The following BICRAL variants were observed in gnomAD, a reference collection of about 807,000 sequenced individuals.
BICRAL encodes BICRA like chromatin remodeling complex associated protein.
Under a neutral mutation model 91.8 loss-of-function variants are expected in BICRAL, and 8 were observed. That is an observed-to-expected ratio of 0.09 (90% confidence interval 0.05 to 0.16). The LOEUF (loss-of-function observed/expected upper bound fraction) is 0.16. Ranked by LOEUF, BICRAL falls within the 10% of genes least tolerant of loss-of-function variation. BICRAL has a pLI of 1.00. For missense variants in BICRAL, 1,038 were observed against 1,310.9 expected, an observed-to-expected ratio of 0.79 and a Z score of 3.21; for synonymous variants, 445 against 491.1, an observed-to-expected ratio of 0.91 and a Z score of 1.24.
chr6:42,781,581 CTGGG>C (rs1223924742), upstream of BICRAL, among the ~76,000 whole-genome samples: 23 of 59,382 alleles, frequency 3.9e-4, no homozygotes, highest in South Asian at 1.8e-3. Flanking sequence ...TCAAGTTAAA[CTGGG>C]TGGGTGGGTG....
chr6:42,859,767 G>A (rs1485533405), intron 10 of BICRAL, among the ~76,000 whole-genome samples: 2 of 151,882 alleles, frequency 1.3e-5, no homozygotes, highest in East Asian at 1.9e-4. Context: ...TCAGCCTCTC[G>A]AGTAGCTGGG....
At chr6:42,780,739 G>GTT (rs1001417207), upstream of BICRAL, among the ~76,000 whole-genome samples, 28 of 110,540 alleles carry the variant, frequency 2.5e-4, no homozygotes, top group African/African-American at 9.8e-4. Context: ...TGTTGTTGTT[G>GTT]TTGTTTTGTT....
chr6:42,857,258 G>A, intron 10 of BICRAL, 22 bp downstream of exon 10: 3 of 1,597,800 alleles, frequency 1.9e-6, no homozygotes, highest in Non-Finnish European at 2.6e-6. Flanking sequence ...GGGACCCTAA[G>A]GCACCACTCT....
Position 42,822,774 on chromosome 6 carries a change from C to CT in BICRAL, c.42-15dup, listed in dbSNP as rs749055332. On this transcript the variant is annotated intron_variant, in intron 3 of 12. Transcript: ENST00000314073. ...AGTATATTTGTTTGTTGTTTTATCT[C>CT]TTTTTTTCCTCTCTTTTCTAGAGAC... 20 of 1,423,822 alleles carry CT rather than the reference C, an allele frequency of 1.4e-5. No homozygotes were observed. The East Asian group carries it at 2.7e-4, about 19-fold the overall frequency. The allele number at this position is 1,423,822 out of a possible 1,614,324, so 88.2% of individuals were successfully genotyped here.
At chr6:42,790,330 ATTTTTTTTTTTTT>A (rs70990136) in intron 1 of BICRAL, among the ~76,000 whole-genome samples, 3 of 87,822 alleles carry the variant, frequency 3.4e-5, no homozygotes, top group Non-Finnish European at 6.2e-5. Flanking sequence ...AGATAATTTA[ATTTTTTTTTTTTT>A]TTTTTTTTTT....
intron 1 of BICRAL, among the ~76,000 whole-genome samples, chr6:42,790,978 A>G (rs1285820716): frequency 1.3e-5 from 2 of 152,050 alleles, no homozygotes; most frequent in African/African-American, 4.8e-5. Context: ...CCTGAGGTGG[A>G]AATCACTAAC....
At chr6:42,855,589 AG>A (rs942309695) in intron 8 of BICRAL, among the ~76,000 whole-genome samples, 22 of 151,996 alleles carry the variant, frequency 1.4e-4, no homozygotes, top group Admixed American at 8.5e-4. Flanking sequence ...TTTAGAGAGG[AG>A]GTAGGCATTC....
chr6:42,832,750 TAC>T (rs989523592), intron 6 of BICRAL, among the ~76,000 whole-genome samples: 4 of 151,600 alleles, frequency 2.6e-5, no homozygotes, highest in East Asian at 1.9e-4. Flanking sequence ...CACACAAACA[TAC>T]ACACACACAC....
At chr6:42,819,476 G>A (rs761130324) in intron 2 of BICRAL, among the ~76,000 whole-genome samples, 3 of 151,492 alleles carry the variant, frequency 2.0e-5, no homozygotes, top group African/African-American at 4.9e-5. Context: ...TAGTAGAGAC[G>A]GGTTTCACCG....
intron 1 of BICRAL, among the ~76,000 whole-genome samples, chr6:42,799,563 G>A (rs947946771): frequency 6.6e-6 from 1 of 152,038 alleles, no homozygotes; most frequent in African/African-American, 2.4e-5. Flanking sequence ...CAAAGTGCTG[G>A]GATTACAGGC....
intron 1 of BICRAL, among the ~76,000 whole-genome samples, chr6:42,757,336 C>T (rs1019268983): frequency 3.3e-5 from 5 of 151,794 alleles, no homozygotes; most frequent in African/African-American, 1.2e-4. Flanking sequence ...ACTGCAAGCT[C>T]CGCCTCCCAG....
chr6:42,865,071 G>C lies in BICRAL; in HGVS notation c.2865G>C (p.Leu955=), dbSNP rs745559776. The C allele has an allele frequency of 6.2e-7, 1 of 1,614,020 alleles. No homozygotes were observed. The highest frequency in any genetic ancestry group is 8.5e-7 in the Non-Finnish European group (1 of 1,180,036). The change falls in exon 13 of 13, where the codon CTG becomes CTC. Residue 955 remains leucine, a synonymous_variant. Transcript: ENST00000314073. The stretch of plus-strand genomic sequence containing the variant: ...CGGATCATGGTACTGAGAGCAAACT[G>C]TCAAGCATCCTAGCAGATTCGCACT... ...SRSDHGTESK[L]SSILADSHLE...
rs1765591378 is a variant in BICRAL at position 42,862,705 on chromosome 6, A to C, written c.2452+93A>C. ...CAGTCTGTCTGAACTTTGGGTAAGAAACTTGAAGGTAGAACGTGAATTCTG... is the reference window on the plus strand; with the variant it reads ...CAGTCTGTCTGAACTTTGGGTAAGACACTTGAAGGTAGAACGTGAATTCTG... On this transcript the variant is annotated intron_variant, in intron 12 of 12. Coordinates refer to ENST00000314073, the MANE Select transcript of BICRAL (RefSeq NM_001393499.1). 3.8e-6 allele frequency: 3 copies of C among 789,616 alleles called. No homozygotes were observed. In the South Asian group the frequency reaches 4.3e-5, roughly 11 times the overall value. 48.9% of individuals were successfully genotyped at this position (789,616 alleles called of 1,614,324 possible).
intron 6 of BICRAL, among the ~76,000 whole-genome samples, chr6:42,834,677 A>C (rs1238834428): frequency 5.3e-5 from 8 of 152,132 alleles, no homozygotes; most frequent in Admixed American, 5.2e-4. Context: ...ATTATACAAT[A>C]ATTTATTTTA....
At chr6:42,826,670 G>T (rs1562481038) in intron 5 of BICRAL, among the ~76,000 whole-genome samples, 1 of 152,076 alleles carries the variant, frequency 6.6e-6, no homozygotes, top group African/African-American at 2.4e-5. Context: ...GCTTTGTTGT[G>T]CTGTGGATGG....
intron 1 of BICRAL, among the ~76,000 whole-genome samples, chr6:42,750,873 C>A (rs1346999313): frequency 7.2e-6 from 1 of 139,076 alleles, no homozygotes; most frequent in Non-Finnish European, 1.5e-5. Context: ...CCACCGCGCC[C>A]GGCCTTTTTT....
intron 1 of BICRAL, among the ~76,000 whole-genome samples, chr6:42,769,540 C>T (rs916833155): frequency 1.2e-4 from 18 of 152,172 alleles, no homozygotes; most frequent in African/African-American, 4.1e-4. Flanking sequence ...AGAAACATTC[C>T]TTTAGTGCCT....
intron 1 of BICRAL, among the ~76,000 whole-genome samples, chr6:42,793,122 A>ATTTTTTTTTTTTTTTTT (rs1159342197): frequency 5.4e-5 from 2 of 37,254 alleles, no homozygotes; most frequent in African/African-American, 1.2e-4. Context: ...TGCCCAGCTA[A>ATTTTTTTTTTTTTTTTT]TTTTTTTTTT....
chr6:42,793,203 G>C (rs1413980640), intron 1 of BICRAL, among the ~76,000 whole-genome samples: 2 of 115,990 alleles, frequency 1.7e-5, no homozygotes, highest in African/African-American at 6.9e-5. Flanking sequence ...GAGTGCATTG[G>C]CGTGATCTCA....
Sources: gnomAD v4.1 joint callset for allele counts (sites outside exome capture counted in the v4.1 genomes callset) on GRCh38, gnomAD v4.1.1 for gene constraint, MANE v1.5 for transcripts, NCBI Gene and HGNC (gene_info 2026-07-23, HGNC 2026-07-21) for gene names.